Variants in CIB4 observed in about 807,000 individuals in gnomAD.
The protein encoded by CIB4 is calcium and integrin-binding family member 4.
In CIB4, 25 loss-of-function variants were observed where a neutral mutation model predicts 25.8. The observed-to-expected ratio is 0.97, with a 90% confidence interval of 0.71 to 1.35. The LOEUF is 1.35. Ranked by LOEUF, CIB4 falls within the 40% of genes most tolerant of loss-of-function variation. The pLI, the probability that CIB4 is intolerant of heterozygous loss-of-function variation, is 0.00. For missense variants in CIB4, 235 were observed against 228.2 expected (o/e 1.03, Z -0.19); for synonymous variants, 75 against 81.4 (o/e 0.92, Z 0.42).
At chr2:26,624,906 CTT>C (rs1466266467) in intron 3 of CIB4, among the ~76,000 whole-genome samples, 1 of 151,860 alleles carries the variant, frequency 6.6e-6, no homozygotes, top group African/African-American at 2.4e-5. Flanking sequence ...TTGGAAATAA[CTT>C]AGAGGGTAAT....
chr2:26,632,721 G>A (rs148491823), intron 2 of CIB4, among the ~76,000 whole-genome samples: 374 of 149,684 alleles, frequency 2.5e-3, no homozygotes, highest in African/African-American at 8.9e-3. Context: ...TTGCGCCATT[G>A]CACGCCAGCT....
At position 26,641,256 on chromosome 2, in the gene CIB4, C is replaced by T. The variant is rs778685891; in HGVS notation, c.54+5G>A. On this transcript the variant is annotated splice_donor_5th_base_variant and intron_variant, in intron 1 of 6. Coordinates refer to ENST00000288861, the MANE Select transcript of CIB4 (RefSeq NM_001029881.3). ...TGCCCAGAGTCCCTAGCCCGATCTA[C>T]CCACCTGGTACTCTTCCAGGTCCTC... The T allele has an allele frequency of 6.2e-7, 1 of 1,611,722 alleles. No homozygotes were observed. Among genetic ancestry groups the T allele is most frequent in the Admixed American group, 1.7e-5 (1 of 59,994 alleles).
At chr2:26,614,926 G>C (rs2148213168) in intron 3 of CIB4, among the ~76,000 whole-genome samples, 1 of 152,350 alleles carries the variant, frequency 6.6e-6, no homozygotes, top group East Asian at 1.9e-4. Flanking sequence ...CTGCTCTTGG[G>C]AGCTTTGAGA....
intron 2 of CIB4, among the ~76,000 whole-genome samples, chr2:26,637,669 A>G (rs1221212304): frequency 2.6e-5 from 4 of 152,106 alleles, no homozygotes; most frequent in Admixed American, 6.5e-5. Flanking sequence ...TGCAAGTGGA[A>G]TGGCTGGGTC....
intron 3 of CIB4, among the ~76,000 whole-genome samples, chr2:26,606,440 G>A (rs1432409378): frequency 1.3e-5 from 2 of 152,192 alleles, no homozygotes; most frequent in African/African-American, 4.8e-5. Flanking sequence ...GGAGGATTCA[G>A]GGAAAAGCTG....
chr2:26,637,158 T>C (rs1404777038), intron 2 of CIB4, among the ~76,000 whole-genome samples: 1 of 152,110 alleles, frequency 6.6e-6, no homozygotes. Flanking sequence ...GCCAAGTTGA[T>C]TGTGGATTGC....
intron 3 of CIB4, among the ~76,000 whole-genome samples, chr2:26,610,358 T>A (rs1273762505): frequency 6.6e-6 from 1 of 152,202 alleles, no homozygotes; most frequent in Non-Finnish European, 1.5e-5. Flanking sequence ...CTCTCACCAA[T>A]AGCCGCCTCT....
chr2:26,616,706 C>T (rs1315043072), intron 3 of CIB4, among the ~76,000 whole-genome samples: 2 of 152,198 alleles, frequency 1.3e-5, no homozygotes, highest in Non-Finnish European at 1.5e-5. Flanking sequence ...TCAACCACCC[C>T]GGCCACCAGC....
chr2:26,601,190 A>G (rs377455593), intron 3 of CIB4, among the ~76,000 whole-genome samples: 1 of 145,218 alleles, frequency 6.9e-6, no homozygotes, highest in East Asian at 2.0e-4. Flanking sequence ...ACTGCACTCC[A>G]GCCTGAGTGA....
intron 3 of CIB4, among the ~76,000 whole-genome samples, chr2:26,624,813 T>C (rs907167345): frequency 2.6e-5 from 4 of 151,660 alleles, no homozygotes; most frequent in Admixed American, 6.6e-5. Flanking sequence ...AGACCTACTA[T>C]TGGATAGCAC....
intron 3 of CIB4, among the ~76,000 whole-genome samples, chr2:26,612,306 A>G (rs747133420): frequency 1.3e-5 from 2 of 152,250 alleles, no homozygotes; most frequent in Non-Finnish European, 2.9e-5. Context: ...TCAGTGGAAG[A>G]TGGCCCCAGC....
rs888017056 is a variant in CIB4, at chr2:26,582,881, G to A, written c.471C>T (p.Asn157=). ...VLSESDLDND[N]MLSFSEFEHA... Reference sequence around the variant, plus strand: ...GTTCAAACTCTGAGAAGGACAGCATGTTGTCATTGTCCAGATCCGACTCAC... The same window carrying A: ...GTTCAAACTCTGAGAAGGACAGCATATTGTCATTGTCCAGATCCGACTCAC... The change falls in exon 6 of 7, where the codon AAC becomes AAT. Residue 157 remains asparagine, a synonymous_variant. Transcript: ENST00000288861. The A allele has an allele frequency of 1.2e-6, 2 of 1,613,816 alleles. No homozygotes were observed. The highest frequency in any genetic ancestry group is 1.7e-6 in the Non-Finnish European group (2 of 1,179,718).
intron 3 of CIB4, 78 bp downstream of exon 3, chr2:26,629,332 C>T (rs529953691): frequency 1.5e-4 from 138 of 922,878 alleles, no homozygotes; most frequent in Non-Finnish European, 2.1e-4. Context: ...CACCTCACCC[C>T]ACCCCTCCCA....
intron 4 of CIB4, among the ~76,000 whole-genome samples, chr2:26,594,323 A>G (rs1208097421): frequency 6.6e-6 from 1 of 152,228 alleles, no homozygotes; most frequent in Non-Finnish European, 1.5e-5. Flanking sequence ...GATAAAAAAT[A>G]TTAAGTCCTT....
At chr2:26,634,226 C>A (rs546659998) in intron 2 of CIB4, among the ~76,000 whole-genome samples, 2 of 152,274 alleles carry the variant, frequency 1.3e-5, no homozygotes, top group South Asian at 4.1e-4. Context: ...TCCTCAAGTC[C>A]CAGCTTTCTG....
intron 3 of CIB4, among the ~76,000 whole-genome samples, chr2:26,628,912 GC>G (rs1669360087): frequency 6.6e-6 from 1 of 152,144 alleles, no homozygotes; most frequent in African/African-American, 2.4e-5. Flanking sequence ...AGGGTCACTT[GC>G]CCTAGTTTGG....
intron 3 of CIB4, chr2:26,623,292 G>A (rs920054859): frequency 2.2e-5 from 4 of 178,984 alleles, no homozygotes; most frequent in South Asian, 1.9e-4. Flanking sequence ...GCAGGGAGCC[G>A]TGTTCACACC....
In CIB4 at chr2:26,641,321, C is replaced by T. The variant is rs1207128046; in HGVS notation, c.-7G>A. ...ACCTCAAGCATTGCCCCATGCCAAC[C>T]ACACCTTTCTGTCTGCCAGCAGTAG... is the stretch of plus-strand genomic sequence containing the variant. On this transcript the variant is annotated 5_prime_UTR_variant, in exon 1 of 7. Transcript: ENST00000288861. 6.2e-7 allele frequency: 1 copy of T among 1,613,200 alleles called. No homozygotes were observed.
chr2:26,597,404 T>A (rs1668700605), intron 3 of CIB4, among the ~76,000 whole-genome samples: 1 of 151,446 alleles, frequency 6.6e-6, no homozygotes, highest in South Asian at 2.1e-4. Flanking sequence ...TTTCCTCTCT[T>A]TGGATCAGTT....
Sources: gnomAD v4.1 joint callset for allele counts (sites outside exome capture counted in the v4.1 genomes callset) on GRCh38, gnomAD v4.1.1 for gene constraint, MANE v1.5 for transcripts, NCBI Gene and HGNC (gene_info 2026-07-23, HGNC 2026-07-21) for gene names.